CACNA1C: variants seen among roughly 807,000 people sequenced by gnomAD.
The protein encoded by CACNA1C is voltage-dependent L-type calcium channel subunit alpha-1C.
In CACNA1C, 30 loss-of-function variants were observed where a neutral mutation model predicts 229.0. That is an observed-to-expected ratio of 0.13 (90% CI 0.10 to 0.18). The LOEUF (loss-of-function observed/expected upper bound fraction) is 0.18, where lower values mean the gene tolerates loss of function less well. Ranked by LOEUF, CACNA1C falls within the 10% of genes least tolerant of loss-of-function variation. CACNA1C has a pLI of 1.00. For missense variants in CACNA1C, 1,658 were observed against 2,845.0 expected, an observed-to-expected ratio of 0.58 and a Z score of 9.49; for synonymous variants, 1,114 against 1,132.5, an observed-to-expected ratio of 0.98 and a Z score of 0.33.
chr12:2,693,986 C>T lies in CACNA1C; in HGVS notation c.*2787C>T, dbSNP rs1481647239. 6.6e-6 allele frequency: 1 copy of T among 152,186 alleles called. No homozygotes were observed. The highest frequency in any genetic ancestry group is 1.5e-5 in the Non-Finnish European group (1 of 68,048). 9.4% of individuals were successfully genotyped at this position (152,186 alleles called of 1,614,324 possible). A position where few individuals can be genotyped will look rare whatever the true frequency, so the allele number is the denominator to read the frequency against. On this transcript the variant is annotated 3_prime_UTR_variant, in exon 47 of 47. Coordinates refer to ENST00000399655, the MANE Select transcript of CACNA1C (RefSeq NM_000719.7). ...CTCCCCGGTTAACACAGTCTAGAAA[C>T]AGAGTTTCTTTATGGATATCCACAC...
intron 3 of CACNA1C, among the ~76,000 whole-genome samples, chr12:2,281,702 A>G (rs1021218912): frequency 6.6e-6 from 1 of 152,164 alleles, no homozygotes; most frequent in Non-Finnish European, 1.5e-5. Flanking sequence ...GGCTACTTCT[A>G]ACATTTTCTC....
At chr12:2,035,624 G>A (rs1302356823) in intron 1 of CACNA1C, among the ~76,000 whole-genome samples, 3 of 152,206 alleles carry the variant, frequency 2.0e-5, no homozygotes, top group Non-Finnish European at 4.4e-5. Flanking sequence ...GCCACTAGGG[G>A]ACACAGCCCA....
At chr12:2,203,866 C>G (rs1486981382) in intron 3 of CACNA1C, among the ~76,000 whole-genome samples, 1 of 152,202 alleles carries the variant, frequency 6.6e-6, no homozygotes, top group Non-Finnish European at 1.5e-5. Flanking sequence ...GACCTATAGG[C>G]CTACTTCTGG....
At position 2,666,493 on chromosome 12, in the gene CACNA1C, G is replaced by A. The variant is rs141095375; in HGVS notation, c.4527-193G>A. ...AAATGATTCATTAAAATCTAAACAC[G>A]TGTATATGTATATTGGTTTGGGGCT... is the stretch of plus-strand genomic sequence containing the variant. On this transcript the variant is annotated intron_variant, in intron 36 of 46. Coordinates refer to ENST00000399655, the MANE Select transcript of CACNA1C (RefSeq NM_000719.7). The surrounding 1 kb of genome is among the most constrained non-coding windows in gnomAD (Gnocchi z 5.3). 34 of 494,118 alleles carry A rather than the reference G, an allele frequency of 6.9e-5. No individual in the cohort carries two copies. The highest frequency in any genetic ancestry group is 5.2e-4 in the African/African-American group (27 of 52,154). 30.6% of individuals were successfully genotyped at this position (494,118 alleles called of 1,614,324 possible).
chr12:2,509,707 C>T (rs1015487042), intron 8 of CACNA1C, among the ~76,000 whole-genome samples: 3 of 152,114 alleles, frequency 2.0e-5, no homozygotes, highest in African/African-American at 7.2e-5. Context: ...ACAGCAAAAT[C>T]ACCAACAAAA....
intron 1 of CACNA1C, among the ~76,000 whole-genome samples, chr12:2,044,019 G>A (rs1360624798): frequency 1.3e-5 from 2 of 152,082 alleles, no homozygotes; most frequent in Non-Finnish European, 2.9e-5. Flanking sequence ...TTGGTCAATT[G>A]GTCATTGGTT....
intron 38 of CACNA1C, among the ~76,000 whole-genome samples, chr12:2,670,844 G>T (rs2096531296): frequency 6.6e-6 from 1 of 151,184 alleles, no homozygotes; most frequent in Admixed American, 6.6e-5. Context: ...ACAGAGTGAG[G>T]CTCCATCTGA....
At chr12:2,405,222 T>G (rs1386871995) in intron 3 of CACNA1C, among the ~76,000 whole-genome samples, 3 of 152,114 alleles carry the variant, frequency 2.0e-5, no homozygotes, top group African/African-American at 7.2e-5. Flanking sequence ...TCACCCAGTT[T>G]CCCCCAATAG....
chr12:1,999,267 T>C (rs1256673472), intron 1 of CACNA1C, among the ~76,000 whole-genome samples: 2 of 152,214 alleles, frequency 1.3e-5, no homozygotes, highest in East Asian at 1.9e-4. Flanking sequence ...TCTCTGCCCA[T>C]GAAATTATAT....
In CACNA1C at chr12:2,634,110, G is replaced by A. The variant is rs536367466; in HGVS notation, c.3829-187G>A. Reference sequence around the variant, plus strand: ...TATCCAGGTTTGAGCTGCCAGAACTGTAGAGTGGTAAGAGAGTGTTTAATA... The same window carrying A: ...TATCCAGGTTTGAGCTGCCAGAACTATAGAGTGGTAAGAGAGTGTTTAATA... On this transcript the variant is annotated intron_variant, in intron 29 of 46. Coordinates refer to ENST00000399655, the MANE Select transcript of CACNA1C (RefSeq NM_000719.7). Among the ~76,000 whole-genome samples, 4 of 151,792 alleles carry A rather than the reference G, an allele frequency of 2.6e-5. No homozygotes were observed. In the South Asian group the frequency reaches 6.2e-4, roughly 24 times the overall value.
intron 11 of CACNA1C, among the ~76,000 whole-genome samples, chr12:2,564,674 C>G (rs1243775232): frequency 3.3e-5 from 5 of 152,226 alleles, no homozygotes; most frequent in African/African-American, 1.2e-4. Flanking sequence ...AAAATGTTGG[C>G]AGTCCCTTCC....
intron 3 of CACNA1C, among the ~76,000 whole-genome samples, chr12:2,350,594 G>A (rs1480390521): frequency 6.6e-6 from 1 of 152,204 alleles, no homozygotes; most frequent in Non-Finnish European, 1.5e-5. Flanking sequence ...CTGGGCTGCG[G>A]GGCCATTGAT....
intron 29 of CACNA1C, among the ~76,000 whole-genome samples, chr12:2,626,094 G>A (rs780062079): frequency 5.9e-5 from 9 of 152,234 alleles, no homozygotes; most frequent in Non-Finnish European, 1.0e-4. Context: ...AAGTGAAGGC[G>A]GTCTATCATT....
intron 9 of CACNA1C, among the ~76,000 whole-genome samples, chr12:2,517,440 C>G (rs950089807): frequency 1.3e-5 from 2 of 152,246 alleles, no homozygotes; most frequent in African/African-American, 2.4e-5. Flanking sequence ...GCCACTGCCT[C>G]TGCAATGGGT....
At chr12:1,986,035 G>C (rs552847695) in intron 1 of CACNA1C, among the ~76,000 whole-genome samples, 5 of 152,102 alleles carry the variant, frequency 3.3e-5, no homozygotes, top group Non-Finnish European at 2.9e-5. Flanking sequence ...GGATGGTCTC[G>C]ATCTCCTGAC....
chr12:2,570,284 G>T (rs1158336929), intron 13 of CACNA1C, among the ~76,000 whole-genome samples: 2 of 152,162 alleles, frequency 1.3e-5, no homozygotes, highest in African/African-American at 4.8e-5. Flanking sequence ...GGTGTCTTCA[G>T]TTCAGGATCT....
intron 5 of CACNA1C, among the ~76,000 whole-genome samples, chr12:2,472,861 C>T (rs921317646): frequency 3.9e-5 from 6 of 152,168 alleles, no homozygotes; most frequent in African/African-American, 1.4e-4. Context: ...TTACCATGAA[C>T]GTGTGTAGGC....
At chr12:1,981,535 A>T (rs966974207) in intron 1 of CACNA1C, among the ~76,000 whole-genome samples, 1 of 152,224 alleles carries the variant, frequency 6.6e-6, no homozygotes, top group Non-Finnish European at 1.5e-5. Context: ...AATTGCCTTT[A>T]TTTCTAGCTC....
chr12:2,011,556 G>A (rs1345902899), intron 1 of CACNA1C, among the ~76,000 whole-genome samples: 2 of 152,190 alleles, frequency 1.3e-5, no homozygotes, highest in East Asian at 1.9e-4. Context: ...AGAGTGCTAC[G>A]CAGCTACGGA....
Sources: gnomAD v4.1 joint callset for allele counts (sites outside exome capture counted in the v4.1 genomes callset) on GRCh38, gnomAD v4.1.1 for gene constraint, Gnocchi (gnomAD v3.1) non-coding constraint, MANE v1.5 for transcripts, NCBI Gene and HGNC (gene_info 2026-07-23, HGNC 2026-07-21) for gene names.